The following CAND1 variants were observed in gnomAD, a reference collection of about 807,000 sequenced individuals.
The protein encoded by CAND1 is cullin-associated NEDD8-dissociated protein 1.
In CAND1, 7 loss-of-function variants were observed where a neutral mutation model predicts 108.5. The ratio of observed to expected loss-of-function variants is 0.06; its 90% confidence interval spans 0.04 to 0.12. The LOEUF is 0.12. Ranked by LOEUF, CAND1 falls within the 10% of genes least tolerant of loss-of-function variation. The pLI, the probability that CAND1 is intolerant of heterozygous loss-of-function variation, is 1.00. For synonymous variants in CAND1, 534 were observed against 512.0 expected (o/e 1.04, Z -0.58); for missense variants, 941 against 1,448.7 (o/e 0.65, Z 5.69).
In CAND1 at chr12:67,311,816, T is replaced by G; in HGVS notation, c.3468+16T>G. 6.8e-7 allele frequency: 1 copy of G among 1,463,692 alleles called. No individual in the cohort carries two copies. The highest frequency in any genetic ancestry group is 9.6e-7 in the Non-Finnish European group (1 of 1,043,214). 90.7% of individuals were successfully genotyped at this position (1,463,692 alleles called of 1,614,324 possible). ...TACAACTAAGGTAAGAAATGATAAG[T>G]ATCAACCTAGGTCAGACTTGGTGTA... is the stretch of plus-strand genomic sequence containing the variant. On this transcript the variant is annotated intron_variant, in intron 14 of 14. Coordinates refer to ENST00000545606, the MANE Select transcript of CAND1 (RefSeq NM_018448.5).
intron 2 of CAND1, among the ~76,000 whole-genome samples, chr12:67,292,055 C>T (rs1032269423): frequency 3.9e-5 from 6 of 152,148 alleles, no homozygotes; most frequent in East Asian, 3.9e-4. Flanking sequence ...TTAGTAGGCA[C>T]GGGGTTTCAC....
chr12:67,278,233 T>C (rs1243605564), intron 1 of CAND1, among the ~76,000 whole-genome samples: 1 of 152,082 alleles, frequency 6.6e-6, no homozygotes, highest in Non-Finnish European at 1.5e-5. Context: ...ACTGCCCGGC[T>C]TCAAGCGACT....
At chr12:67,312,345 A>G (rs1361606806) in intron 14 of CAND1, among the ~76,000 whole-genome samples, 5 of 152,068 alleles carry the variant, frequency 3.3e-5, no homozygotes, top group Non-Finnish European at 5.9e-5. Context: ...AGTTGAAACA[A>G]AGAGTGTCCT....
chr12:67,293,571 T>C (rs1201230360), intron 3 of CAND1, among the ~76,000 whole-genome samples: 1 of 152,016 alleles, frequency 6.6e-6, no homozygotes, highest in Non-Finnish European at 1.5e-5. Context: ...CTGACCAACA[T>C]GGAGAAACCC....
Position 67,307,507 on chromosome 12 carries a change from A to G in CAND1, c.3025+15A>G. 1 of 1,537,188 alleles carries G rather than the reference A, an allele frequency of 6.5e-7. No individual in the cohort carries two copies. Among genetic ancestry groups the G allele is most frequent in the Non-Finnish European group, 9.0e-7 (1 of 1,114,444 alleles). ...GAACTGCATAGGTAAGTGGAAACAA[A>G]GATAAACATACTGATTTTTGGACTT... On this transcript the variant is annotated intron_variant, in intron 11 of 14. Transcript: ENST00000545606.
At chr12:67,284,833 G>A (rs1165430914) in intron 2 of CAND1, among the ~76,000 whole-genome samples, 1 of 65,618 alleles carries the variant, frequency 1.5e-5, no homozygotes, top group East Asian at 3.4e-4. Flanking sequence ...TAAAATACCA[G>A]ATACATTCAC....
intron 1 of CAND1, 164 bp downstream of exon 1, chr12:67,269,949 T>A (rs192101789): frequency 6.7e-4 from 385 of 571,102 alleles, no homozygotes; most frequent in African/African-American, 6.1e-3. Context: ...GCGGAGCCCC[T>A]TTCCTCTCCC....
chr12:67,319,953 A>AT (rs1451906992), downstream of CAND1: 1 of 152,190 alleles, frequency 6.6e-6, no homozygotes, highest in Non-Finnish European at 1.5e-5. Flanking sequence ...AGCACATCAG[A>AT]TTTTTTGCCA....
At chr12:67,275,655 A>G (rs1196859182) in intron 1 of CAND1, among the ~76,000 whole-genome samples, 2 of 152,198 alleles carry the variant, frequency 1.3e-5, no homozygotes, top group East Asian at 3.8e-4. Context: ...GATAAAATTG[A>G]CCATATCAAC....
At position 67,305,864 on chromosome 12, in the gene CAND1, A is replaced by G. The variant is rs766661460; in HGVS notation, c.2196A>G (p.Gly732=). The G allele has an allele frequency of 1.9e-6, 3 of 1,614,036 alleles. No homozygotes were observed. Among genetic ancestry groups the G allele is most frequent in the South Asian group, 2.2e-5 (2 of 91,086 alleles). ...VYPSSLSKIS[G]SILNELIGLV... The stretch of plus-strand genomic sequence containing the variant: ...CCTCCTCCCTTTCAAAGATAAGTGG[A>G]TCCATTCTCAATGAACTTATTGGAC... The change falls in exon 10 of 15, where the codon GGA becomes GGG. Residue 732 remains glycine (G), a synonymous_variant. Transcript: ENST00000545606. The surrounding 1 kb of genome is among the most constrained non-coding windows in gnomAD (Gnocchi z 4.4).
rs61580300 is a variant in CAND1 at position 67,289,973 on chromosome 12, T to C, written c.213-2649T>C. ...AATTAAATTTTCATGATGTTACTTA[T>C]GCTTGAAAAAATGCATTGGCTGCCA... On this transcript the variant is annotated intron_variant, in intron 2 of 14. Transcript: ENST00000545606. Among the ~76,000 whole-genome samples the C allele has an allele frequency of 3.6e-3, 545 of 152,322 alleles. 1 individual carries two copies. Among genetic ancestry groups the C allele is most frequent in the African/African-American group, 0.013 (528 of 41,564 alleles).
intron 2 of CAND1, among the ~76,000 whole-genome samples, chr12:67,289,157 A>G (rs1219562870): frequency 6.6e-6 from 1 of 151,946 alleles, no homozygotes; most frequent in Non-Finnish European, 1.5e-5. Flanking sequence ...TCAGTTTTAT[A>G]ATTTCTGCCC....
chr12:67,273,142 A>G (rs963230770), intron 1 of CAND1, among the ~76,000 whole-genome samples: 10 of 152,250 alleles, frequency 6.6e-5, no homozygotes, highest in Non-Finnish European at 1.2e-4. Flanking sequence ...ATGAATGCCA[A>G]TTCAAATAAA....
At chr12:67,294,377 TA>T (rs1248412636) in intron 3 of CAND1, among the ~76,000 whole-genome samples, 1 of 151,940 alleles carries the variant, frequency 6.6e-6, no homozygotes, top group Non-Finnish European at 1.5e-5. Context: ...AGGACCTTAT[TA>T]AAAGTTATGG....
In CAND1 at chr12:67,312,825, A is replaced by G; in HGVS notation, c.3688A>G (p.Ser1230Gly). Residue 1230 changes from serine (S) to glycine (G), a missense_variant, in exon 15 of 15, where the codon AGT becomes GGT. Around this residue, in one of 9 missense-constraint regions of CAND1, gnomAD observed 39 missense variants for 51.3 expected, o/e 0.76. Coordinates refer to ENST00000545606, the MANE Select transcript of CAND1 (RefSeq NM_018448.5). Reference sequence around the variant, plus strand: ...TACTAACTTGGAATCAATGGACACTAGTTAGATGTTTGTTCACCATGGGGA... The same window carrying G: ...TACTAACTTGGAATCAATGGACACTGGTTAGATGTTTGTTCACCATGGGGA... ...SSTNLESMDT[S>G] 6.2e-7 allele frequency: 1 copy of G among 1,601,062 alleles called. No individual in the cohort carries two copies. The highest frequency in any genetic ancestry group is 8.5e-7 in the Non-Finnish European group (1 of 1,170,436).
At chr12:67,274,230 C>A (rs114363510) in intron 1 of CAND1, among the ~76,000 whole-genome samples, 2,438 of 152,246 alleles carry the variant, frequency 0.016, 54 homozygotes, top group African/African-American at 0.056. Context: ...TGCTTACTTT[C>A]CCTAAATCTA....
intron 2 of CAND1, among the ~76,000 whole-genome samples, chr12:67,286,574 T>G (rs1386949517): frequency 6.6e-6 from 1 of 151,852 alleles, no homozygotes; most frequent in Admixed American, 6.6e-5. Context: ...TTTTTTTTTT[T>G]TGTGCATGGA....
Position 67,282,066 on chromosome 12 carries a change from T to G in CAND1, c.212+13T>G. On this transcript the variant is annotated intron_variant, in intron 2 of 14. Transcript: ENST00000545606. ...TAGCTGTCAAATGGTAAGTTGTTTT[T>G]TACTGGTTGAGTCTTTCTTCCTGCT... is the stretch of plus-strand genomic sequence containing the variant. 1 of 1,611,098 alleles carries G rather than the reference T, an allele frequency of 6.2e-7. No homozygotes were observed. The highest frequency in any genetic ancestry group is 8.5e-7 in the Non-Finnish European group (1 of 1,178,996).
At position 67,313,014 on chromosome 12, in the gene CAND1, G is replaced by C; in HGVS notation, c.*184G>C. 1.9e-6 allele frequency: 1 copy of C among 521,196 alleles called. No homozygotes were observed. The highest frequency in any genetic ancestry group is 3.4e-6 in the Non-Finnish European group (1 of 294,814). 32.3% of individuals were successfully genotyped at this position (521,196 alleles called of 1,614,324 possible). The stretch of plus-strand genomic sequence containing the variant: ...TTTTTGTAGCATTTATTTCAGAAAT[G>C]TGTATTTCCATAATCCAGAGGTTGT... On this transcript the variant is annotated 3_prime_UTR_variant, in exon 15 of 15. Coordinates refer to ENST00000545606, the MANE Select transcript of CAND1 (RefSeq NM_018448.5).
Sources: gnomAD v4.1 joint callset for allele counts (sites outside exome capture counted in the v4.1 genomes callset) on GRCh38, gnomAD v4.1.1 for gene constraint, gnomAD v4.1.1 regional missense constraint, Gnocchi (gnomAD v3.1) non-coding constraint, MANE v1.5 for transcripts, NCBI Gene and HGNC (gene_info 2026-07-23, HGNC 2026-07-21) for gene names.